COL24A1: variants seen among roughly 807,000 people sequenced by gnomAD.
The protein encoded by COL24A1 is collagen alpha-1(XXIV) chain.
Under a neutral mutation model 253.9 loss-of-function variants are expected in COL24A1, and 224 were observed. That is an observed-to-expected ratio of 0.88 (90% CI 0.79 to 0.99). The LOEUF is 0.99. COL24A1 is among the 50% of genes least tolerant of loss of function. The probability of loss-of-function intolerance (pLI) is 0.00; values close to 1 mark genes in which losing one functional copy is unlikely to be tolerated. For missense variants in COL24A1, 2,131 were observed against 2,068.5 expected (o/e 1.03, Z -0.59); for synonymous variants, 685 against 673.7 (o/e 1.02, Z -0.26).
chr1:86,073,683 T>C (rs1036773924), intron 7 of COL24A1, among the ~76,000 whole-genome samples: 3 of 151,790 alleles, frequency 2.0e-5, no homozygotes, highest in African/African-American at 4.8e-5. Context: ...TTCACCAAGG[T>C]TGAAATAAAG....
intron 5 of COL24A1, among the ~76,000 whole-genome samples, chr1:86,105,087 C>T (rs1022554481): frequency 2.0e-5 from 3 of 152,122 alleles, no homozygotes; most frequent in Admixed American, 6.5e-5. Context: ...GTCCACTGTT[C>T]TTTGTGCCTA....
intron 47 of COL24A1, among the ~76,000 whole-genome samples, chr1:85,807,794 G>C (rs1406175777): frequency 2.0e-5 from 3 of 152,134 alleles, no homozygotes; most frequent in Non-Finnish European, 4.4e-5. Flanking sequence ...ATTCTTGAGA[G>C]AGACCTATGG....
intron 2 of COL24A1, among the ~76,000 whole-genome samples, chr1:86,137,059 A>G (rs1650367249): frequency 6.6e-6 from 1 of 152,130 alleles, no homozygotes; most frequent in Non-Finnish European, 1.5e-5. Flanking sequence ...ACTCTTTAAC[A>G]TGTAATTTAT....
At chr1:85,912,402 CAT>C (rs1685460544) in intron 24 of COL24A1, among the ~76,000 whole-genome samples, 1 of 152,126 alleles carries the variant, frequency 6.6e-6, no homozygotes, top group Non-Finnish European at 1.5e-5. Context: ...TGTCTTAAAT[CAT>C]AAGCAGTTAC....
intron 19 of COL24A1, among the ~76,000 whole-genome samples, chr1:85,993,809 A>C (rs561631697): frequency 1.2e-4 from 18 of 152,216 alleles, no homozygotes; most frequent in East Asian, 1.9e-4. Context: ...ACATTTTTTA[A>C]GGATTTAAAG....
chr1:86,097,252 C>T (rs1329384905), intron 5 of COL24A1, among the ~76,000 whole-genome samples: 1 of 152,092 alleles, frequency 6.6e-6, no homozygotes, highest in Admixed American at 6.5e-5. Context: ...ACCTCCTCTC[C>T]TTTTGTTCTC....
intron 24 of COL24A1, among the ~76,000 whole-genome samples, chr1:85,916,142 C>T (rs1249654684): frequency 7.2e-5 from 11 of 152,110 alleles, no homozygotes; most frequent in Non-Finnish European, 1.6e-4. Flanking sequence ...GATGACCTAG[C>T]AAATGTAGAC....
At chr1:85,955,576 C>G (rs539207439) in intron 24 of COL24A1, among the ~76,000 whole-genome samples, 10 of 152,364 alleles carry the variant, frequency 6.6e-5, no homozygotes, top group African/African-American at 2.4e-4. Context: ...TACGCACTAC[C>G]TGCCTGTCTG....
intron 22 of COL24A1, among the ~76,000 whole-genome samples, chr1:85,965,356 T>A (rs1313393827): frequency 6.6e-6 from 1 of 151,760 alleles, no homozygotes; most frequent in African/African-American, 2.4e-5. Context: ...ATAAGTAAAA[T>A]ATATAGTATG....
At chr1:86,081,744 A>G (rs1702656099) in intron 7 of COL24A1, among the ~76,000 whole-genome samples, 1 of 152,172 alleles carries the variant, frequency 6.6e-6, no homozygotes, top group Non-Finnish European at 1.5e-5. Flanking sequence ...TACTTTATGT[A>G]GTTAATCATA....
intron 47 of COL24A1, among the ~76,000 whole-genome samples, chr1:85,805,046 G>A (rs191991144): frequency 6.7e-4 from 102 of 152,170 alleles, no homozygotes; most frequent in African/African-American, 2.0e-3. Flanking sequence ...TTGCTATATC[G>A]CCCAGGTTGG....
intron 24 of COL24A1, among the ~76,000 whole-genome samples, chr1:85,955,781 T>G (rs747988670): frequency 2.0e-5 from 3 of 152,254 alleles, no homozygotes; most frequent in Non-Finnish European, 4.4e-5. Flanking sequence ...AACCAATCAC[T>G]GTATCAAATG....
Position 85,730,288 on chromosome 1 carries a change from A to C in COL24A1, c.*258T>G, listed in dbSNP as rs1663346644. The C allele has an allele frequency of 3.5e-6, 1 of 282,232 alleles. No homozygotes were observed. The highest frequency in any genetic ancestry group is 1.2e-3 in the Middle Eastern group (1 of 840). 17.5% of individuals were successfully genotyped at this position (282,232 alleles called of 1,614,324 possible). ...TACCCTGAAGAATTCCATATTTATA[A>C]ATTTTTAGTTCTAGGGAATTCTCTA... On this transcript the variant is annotated 3_prime_UTR_variant, in exon 60 of 60. Transcript: ENST00000370571.
intron 47 of COL24A1, among the ~76,000 whole-genome samples, chr1:85,787,453 C>A (rs1009534151): frequency 2.6e-5 from 4 of 151,976 alleles, no homozygotes; most frequent in African/African-American, 7.2e-5. Flanking sequence ...ACTTATAAGA[C>A]CATGATATGT....
intron 40 of COL24A1, 33 bp downstream of exon 40, chr1:85,842,307 T>C (rs956529048): frequency 1.3e-5 from 19 of 1,476,532 alleles, no homozygotes; most frequent in Non-Finnish European, 1.7e-5. Context: ...AATGTTTTCA[T>C]GTGAATATAT....
At chr1:85,889,504 A>T in intron 32 of COL24A1, 56 bp downstream of exon 32, 1 of 1,436,034 alleles carries the variant, frequency 7.0e-7, no homozygotes. Context: ...AATAATGGAA[A>T]TGTAAATGTA....
At chr1:85,880,490 C>T (rs768420277) in intron 32 of COL24A1, among the ~76,000 whole-genome samples, 9 of 152,008 alleles carry the variant, frequency 5.9e-5, no homozygotes, top group Non-Finnish European at 1.3e-4. Context: ...TTTCTTCTTT[C>T]CAAATTTGTA....
At chr1:85,974,288 G>A (rs899190855) in intron 20 of COL24A1, among the ~76,000 whole-genome samples, 12 of 151,928 alleles carry the variant, frequency 7.9e-5, no homozygotes, top group East Asian at 3.9e-4. Flanking sequence ...GTTTACAGGC[G>A]CACCTGGAGT....
At chr1:86,057,300 A>C (rs572773502) in intron 10 of COL24A1, among the ~76,000 whole-genome samples, 1 of 152,180 alleles carries the variant, frequency 6.6e-6, no homozygotes, top group Non-Finnish European at 1.5e-5. Flanking sequence ...ACAAGATGCA[A>C]ATGCTGGAGC....
Sources: gnomAD v4.1 joint callset for allele counts (sites outside exome capture counted in the v4.1 genomes callset) on GRCh38, gnomAD v4.1.1 for gene constraint, MANE v1.5 for transcripts, NCBI Gene and HGNC (gene_info 2026-07-23, HGNC 2026-07-21) for gene names.